Variants in INVS observed in about 807,000 individuals in gnomAD.
INVS encodes the protein inversin.
INVS carries 86 observed loss-of-function variants against 108.8 expected under a neutral mutation model. The ratio of observed to expected loss-of-function variants is 0.79; its 90% CI spans 0.66 to 0.95. The LOEUF is 0.95. Among genes scored for constraint, INVS ranks in the 40% least tolerant of loss-of-function variants. The pLI is 0.00. For missense variants in INVS, 1,169 were observed against 1,297.4 expected, an observed-to-expected ratio of 0.90 and a Z score of 1.52; for synonymous variants, 455 against 473.5, an observed-to-expected ratio of 0.96 and a Z score of 0.51.
chr9:100,291,315 C>T (rs973852649), intron 13 of INVS, among the ~76,000 whole-genome samples: 2 of 152,186 alleles, frequency 1.3e-5, no homozygotes, highest in African/African-American at 4.8e-5. Context: ...CTGCCTCGGC[C>T]TCCCAAAGTG....
intron 12 of INVS, among the ~76,000 whole-genome samples, chr9:100,275,827 A>T (rs1833094779): frequency 6.6e-6 from 1 of 152,222 alleles, no homozygotes; most frequent in Non-Finnish European, 1.5e-5. Context: ...TATTTAAGGA[A>T]TATCTATAAT....
At chr9:100,126,845 T>C (rs1207777736) in intron 3 of INVS, among the ~76,000 whole-genome samples, 1 of 152,170 alleles carries the variant, frequency 6.6e-6, no homozygotes, top group African/African-American at 2.4e-5. Flanking sequence ...CCAATCTATG[T>C]ATAGGGAAAA....
intron 11 of INVS, 111 bp from the exon 12 acceptor site, chr9:100,272,753 C>A: frequency 9.7e-7 from 1 of 1,031,048 alleles, no homozygotes; most frequent in Non-Finnish European, 1.5e-6. Flanking sequence ...GGGGAATATT[C>A]CACATCTTAG....
In INVS at chr9:100,140,132, A is replaced by G. The variant is rs1828375181; in HGVS notation, c.273+13583A>G. 2.0e-5 allele frequency among the ~76,000 whole-genome samples: 3 copies of G among 152,120 alleles called. No homozygotes were observed. In the South Asian group the frequency reaches 6.2e-4, roughly 32 times the overall value. ...AACCACCAGTATGCATTCTGTTTCTATGGATTTATAGATATTTCATGTAAA... is the reference window on the plus strand; with the variant it reads ...AACCACCAGTATGCATTCTGTTTCTGTGGATTTATAGATATTTCATGTAAA... On this transcript the variant is annotated intron_variant, in intron 3 of 16. Coordinates refer to ENST00000262457, the MANE Select transcript of INVS (RefSeq NM_014425.5).
chr9:100,267,332 C>A (rs1832826991), intron 11 of INVS, among the ~76,000 whole-genome samples: 1 of 152,158 alleles, frequency 6.6e-6, no homozygotes. Context: ...GAGACAGTGG[C>A]AATAACTCAG....
intron 3 of INVS, among the ~76,000 whole-genome samples, chr9:100,216,093 G>A (rs1830977017): frequency 6.6e-6 from 1 of 152,052 alleles, no homozygotes. Flanking sequence ...TGTTACTGTG[G>A]GTATCTATGT....
intron 15 of INVS, 42 bp from the exon 16 acceptor site, chr9:100,297,894 A>C: frequency 6.2e-7 from 1 of 1,609,596 alleles, no homozygotes; most frequent in Non-Finnish European, 8.5e-7. Context: ...GGCCAAACGT[A>C]TCCCTGGCCA....
At chr9:100,152,409 A>C (rs10988984) in intron 3 of INVS, among the ~76,000 whole-genome samples, 31,931 of 152,132 alleles carry the variant, frequency 0.21, 5,699 homozygotes, top group African/African-American at 0.49. Flanking sequence ...TAAAATAGAT[A>C]CTGCTTATAG....
chr9:100,186,253 C>T (rs1297284125), intron 3 of INVS, among the ~76,000 whole-genome samples: 1 of 152,076 alleles, frequency 6.6e-6, no homozygotes, highest in African/African-American at 2.4e-5. Context: ...GGGTTTTAAA[C>T]AATTCTCTGC....
At chr9:100,285,595 A>C (rs925429552) in intron 13 of INVS, among the ~76,000 whole-genome samples, 1 of 152,212 alleles carries the variant, frequency 6.6e-6, no homozygotes, top group African/African-American at 2.4e-5. Context: ...GCAAAGAGAA[A>C]AGGTGTATGG....
chr9:100,260,647 A>G (rs1360805170), intron 10 of INVS, among the ~76,000 whole-genome samples: 3 of 152,204 alleles, frequency 2.0e-5, no homozygotes, highest in African/African-American at 7.2e-5. Flanking sequence ...AATCTTATAA[A>G]GTAGTTACTA....
chr9:100,248,762 G>C (rs1476298189), intron 8 of INVS, among the ~76,000 whole-genome samples: 1 of 152,012 alleles, frequency 6.6e-6, no homozygotes, highest in Non-Finnish European at 1.5e-5. Context: ...CTTTGCCACA[G>C]GTGCTCTTTT....
In INVS at chr9:100,301,139, T is replaced by TCTCACACACACA. The variant is rs200314659; in HGVS notation, c.*466_*467insTCACACACACAC. ...CCTGGCATCTAATGCAACAAACTTA[T>TCTCACACACACA]CACACACACACACACACACACACAC... On this transcript the variant is annotated 3_prime_UTR_variant, in exon 17 of 17. Transcript: ENST00000262457. 943 of 167,884 alleles carry TCTCACACACACA rather than the reference T, an allele frequency of 5.6e-3. 9 individuals are homozygous for TCTCACACACACA. The highest frequency in any genetic ancestry group is 7.0e-3 in the Admixed American group (96 of 13,810). The allele number at this position is 167,884 out of a possible 1,614,324, so 10.4% of individuals were successfully genotyped here. A position where few individuals can be genotyped will look rare whatever the true frequency, so the allele number is the denominator to read the frequency against.
chr9:100,171,366 A>G (rs911866185), intron 3 of INVS, among the ~76,000 whole-genome samples: 1 of 148,946 alleles, frequency 6.7e-6, no homozygotes, highest in Admixed American at 6.7e-5. Flanking sequence ...AGGTTATACC[A>G]TATAGCCTAG....
At chr9:100,114,564 G>A (rs918698656) in intron 2 of INVS, among the ~76,000 whole-genome samples, 1 of 151,870 alleles carries the variant, frequency 6.6e-6, no homozygotes, top group African/African-American at 2.4e-5. Flanking sequence ...ACCATGCCCA[G>A]CTAAGTGTGT....
intron 2 of INVS, among the ~76,000 whole-genome samples, chr9:100,111,690 T>G (rs1042036801): frequency 6.6e-6 from 1 of 152,230 alleles, no homozygotes; most frequent in African/African-American, 2.4e-5. Context: ...ATGTTACAAT[T>G]ACCAAATATT....
chr9:100,175,689 G>T (rs1234430129), intron 3 of INVS: 5 of 636,480 alleles, frequency 7.9e-6, no homozygotes, highest in Non-Finnish European at 1.5e-5. Context: ...CTGCCTCCAA[G>T]GATGCTTGGC....
At chr9:100,300,092 TAC>T (rs888366662) in intron 16 of INVS, among the ~76,000 whole-genome samples, 9 of 152,212 alleles carry the variant, frequency 5.9e-5, no homozygotes, top group Admixed American at 2.6e-4. Context: ...TGGCATCCTA[TAC>T]ATTTGTTAAT....
intron 3 of INVS, among the ~76,000 whole-genome samples, chr9:100,205,793 C>CA (rs1244417178): frequency 6.6e-6 from 1 of 151,730 alleles, no homozygotes; most frequent in African/African-American, 2.4e-5. Flanking sequence ...TTTATTTATT[C>CA]AAAAAATGTT....
Sources: gnomAD v4.1 joint callset for allele counts (sites outside exome capture counted in the v4.1 genomes callset) on GRCh38, gnomAD v4.1.1 for gene constraint, MANE v1.5 for transcripts, NCBI Gene and HGNC (gene_info 2026-07-23, HGNC 2026-07-21) for gene names.